The following CDH12 variants were observed in gnomAD, a reference collection of about 807,000 sequenced individuals.
CDH12 encodes the protein cadherin 12, also known as cadherin-12.
Under a neutral mutation model 74.1 loss-of-function variants are expected in CDH12, and 41 were observed. That is an observed-to-expected ratio of 0.55 (90% confidence interval 0.43 to 0.72). CDH12 has a LOEUF of 0.72. Among genes scored for constraint, CDH12 ranks in the 30% least tolerant of loss-of-function variants. The pLI is 0.00. For synonymous variants in CDH12, 399 were observed against 355.0 expected (o/e 1.12, Z -1.39); for missense variants, 945 against 977.2 (o/e 0.97, Z 0.44).
At chr5:22,415,607 C>T (rs1306295785) in intron 2 of CDH12, among the ~76,000 whole-genome samples, 2 of 152,170 alleles carry the variant, frequency 1.3e-5, no homozygotes, top group Non-Finnish European at 2.9e-5. Flanking sequence ...AAACAAATGG[C>T]CCAGGTACTT....
At chr5:22,588,052 G>A (rs1355187019) in intron 1 of CDH12, among the ~76,000 whole-genome samples, 2 of 149,360 alleles carry the variant, frequency 1.3e-5, no homozygotes, top group African/African-American at 2.4e-5. Context: ...ATATATGTGT[G>A]TATACAATTT....
intron 6 of CDH12, among the ~76,000 whole-genome samples, chr5:21,944,460 A>C: frequency 6.6e-6 from 1 of 152,104 alleles, no homozygotes; most frequent in Non-Finnish European, 1.5e-5. Flanking sequence ...GATTATACTT[A>C]AACTTCTAAA....
chr5:22,164,571 TAATAGAGTGA>T (rs766399417), intron 4 of CDH12, among the ~76,000 whole-genome samples: 161 of 152,182 alleles, frequency 1.1e-3, no homozygotes, highest in Non-Finnish European at 1.8e-3. Context: ...TTGCAAGATT[TAATAGAGTGA>T]AATAGAGTGA....
At chr5:22,262,999 C>T (rs1753577694) in intron 3 of CDH12, among the ~76,000 whole-genome samples, 1 of 151,454 alleles carries the variant, frequency 6.6e-6, no homozygotes, top group Non-Finnish European at 1.5e-5. Flanking sequence ...AAGAAAAAAA[C>T]AAACAACCCC....
intron 1 of CDH12, among the ~76,000 whole-genome samples, chr5:22,830,705 G>C (rs1736564073): frequency 6.6e-6 from 1 of 151,328 alleles, no homozygotes; most frequent in Non-Finnish European, 1.5e-5. Flanking sequence ...CTTTAGAATT[G>C]AATTTCATGT....
intron 1 of CDH12, among the ~76,000 whole-genome samples, chr5:22,647,075 A>G (rs1739472957): frequency 6.6e-6 from 1 of 151,826 alleles, no homozygotes; most frequent in Admixed American, 6.6e-5. Flanking sequence ...TAATGTGAAC[A>G]ATATAAAGAC....
chr5:22,393,558 C>T (rs950499513), intron 3 of CDH12, among the ~76,000 whole-genome samples: 2 of 151,910 alleles, frequency 1.3e-5, no homozygotes, highest in Non-Finnish European at 2.9e-5. Context: ...GAAAAAATAC[C>T]GAAAAATGTG....
intron 3 of CDH12, among the ~76,000 whole-genome samples, chr5:22,379,652 G>A (rs1428195953): frequency 6.6e-6 from 1 of 152,142 alleles, no homozygotes; most frequent in Non-Finnish European, 1.5e-5. Flanking sequence ...ATGAATTAGG[G>A]ATAATAAAAC....
chr5:22,663,352 A>G (rs1007953868), intron 1 of CDH12, among the ~76,000 whole-genome samples: 1 of 152,216 alleles, frequency 6.6e-6, no homozygotes, highest in African/African-American at 2.4e-5. Flanking sequence ...TTACAAATGA[A>G]GCAGCTAGTT....
intron 5 of CDH12, among the ~76,000 whole-genome samples, chr5:22,028,271 C>T (rs1472542487): frequency 6.6e-6 from 1 of 152,026 alleles, no homozygotes; most frequent in Non-Finnish European, 1.5e-5. Context: ...GGCAATTAGG[C>T]AGGAGAAGGA....
chr5:22,617,055 T>C (rs1443351827), intron 1 of CDH12, among the ~76,000 whole-genome samples: 1 of 151,910 alleles, frequency 6.6e-6, no homozygotes, highest in Non-Finnish European at 1.5e-5. Flanking sequence ...TAATTTTTTT[T>C]GTACAGACAA....
chr5:22,720,175 G>T (rs1472548028), intron 1 of CDH12, among the ~76,000 whole-genome samples: 1 of 152,120 alleles, frequency 6.6e-6, no homozygotes, highest in Non-Finnish European at 1.5e-5. Flanking sequence ...GACCCGGTGG[G>T]AGGTGATTGA....
chr5:22,787,289 T>C (rs888554472), intron 1 of CDH12, among the ~76,000 whole-genome samples: 5 of 152,208 alleles, frequency 3.3e-5, no homozygotes, highest in Admixed American at 1.3e-4. Context: ...AATTCCCTTT[T>C]AATTAAGTCC....
intron 1 of CDH12, among the ~76,000 whole-genome samples, chr5:22,627,902 G>T (rs1738379875): frequency 6.6e-6 from 1 of 150,810 alleles, no homozygotes; most frequent in African/African-American, 2.4e-5. Flanking sequence ...AATCTTCCAA[G>T]AAAATGGAAA....
chr5:22,413,208 G>C (rs977397888), intron 2 of CDH12, among the ~76,000 whole-genome samples: 1 of 151,950 alleles, frequency 6.6e-6, no homozygotes, highest in Admixed American at 6.6e-5. Flanking sequence ...AAATTTAAAC[G>C]ATTTTTGCAG....
Position 22,059,849 on chromosome 5 carries a change from A to T in CDH12, c.231+18597T>A, listed in dbSNP as rs80184193. ...TAGTAAAAGTAATTCTTACATTTTA[A>T]TGAAAGAATGAGGTTTTCAGTACAA... On this transcript the variant is annotated intron_variant, in intron 5 of 14. Coordinates refer to ENST00000382254, the MANE Select transcript of CDH12 (RefSeq NM_004061.5). Among the ~76,000 whole-genome samples, 878 of 152,284 alleles carry T rather than the reference A, an allele frequency of 5.8e-3. 7 individuals are homozygous for T. The highest frequency in any genetic ancestry group is 0.018 in the African/African-American group (744 of 41,576).
At chr5:22,106,749 A>G (rs1206636452) in intron 4 of CDH12, among the ~76,000 whole-genome samples, 1 of 152,220 alleles carries the variant, frequency 6.6e-6, no homozygotes, top group Non-Finnish European at 1.5e-5. Flanking sequence ...AACAGTATGC[A>G]CTAAAAATTA....
chr5:22,432,134 T>C (rs192739162), intron 2 of CDH12, among the ~76,000 whole-genome samples: 174 of 152,290 alleles, frequency 1.1e-3, no homozygotes, highest in Middle Eastern at 0.01. Flanking sequence ...TACTATTTTT[T>C]ATATTTTATA....
chr5:22,535,311 C>T (rs987432720), intron 1 of CDH12, among the ~76,000 whole-genome samples: 174 of 151,924 alleles, frequency 1.1e-3, no homozygotes, highest in Middle Eastern at 3.4e-3. Flanking sequence ...CCCGCTACCA[C>T]GCCCGGCTAA....
Sources: allele counts gnomAD v4.1 joint callset (sites outside exome capture counted in the v4.1 genomes callset), GRCh38; gene constraint gnomAD v4.1.1; transcripts MANE v1.5; gene names NCBI Gene and HGNC (gene_info 2026-07-23, HGNC 2026-07-21).